The following LHX6 variants were observed in gnomAD, a reference collection of about 807,000 sequenced individuals.
The protein encoded by LHX6 is LIM homeobox 6.
Under a neutral mutation model 47.1 loss-of-function variants are expected in LHX6, and 15 were observed. That is an observed-to-expected ratio of 0.32 (90% CI 0.21 to 0.49). The LOEUF is 0.49. Among genes scored for constraint, LHX6 ranks in the 20% least tolerant of loss-of-function variants. The pLI, the probability that LHX6 is intolerant of heterozygous loss-of-function variation, is 0.99. For synonymous variants in LHX6, 242 were observed against 233.5 expected, an observed-to-expected ratio of 1.04 and a Z score of -0.33; for missense variants, 404 against 539.6, an observed-to-expected ratio of 0.75 and a Z score of 2.49.
Position 122,204,704 on chromosome 9 carries a change from G to C in LHX6, c.*56C>G. The C allele has an allele frequency of 1.3e-6, 2 of 1,592,930 alleles. No homozygotes were observed. Among genetic ancestry groups the C allele is most frequent in the East Asian group, 2.3e-5 (1 of 43,300 alleles). The stretch of plus-strand genomic sequence containing the variant: ...GCCGCAGCTTGGACACTGGATCTCA[G>C]CGGCTGAGGGGCAGCTGTGGGGCGC... On this transcript the variant is annotated 3_prime_UTR_variant, in exon 10 of 10. Transcript: ENST00000394319.
chr9:122,215,878 G>A (rs1830576791), intron 5 of LHX6, among the ~76,000 whole-genome samples: 1 of 152,172 alleles, frequency 6.6e-6, no homozygotes, highest in Admixed American at 6.5e-5. Flanking sequence ...AGAAAAACTG[G>A]GGGTTGGGCA....
chr9:122,224,994 C>T (rs1043951110), intron 4 of LHX6, among the ~76,000 whole-genome samples: 2 of 152,190 alleles, frequency 1.3e-5, no homozygotes, highest in African/African-American at 2.4e-5. Context: ...AGGAAGAGTC[C>T]GTCTCTTTAA....
At chr9:122,224,944 C>G (rs191362050) in intron 4 of LHX6, among the ~76,000 whole-genome samples, 1 of 152,228 alleles carries the variant, frequency 6.6e-6, no homozygotes, top group East Asian at 1.9e-4. Context: ...GCTGCCCCCA[C>G]CCCACCCCAG....
chr9:122,219,175 G>A (rs1564441318), intron 4 of LHX6, among the ~76,000 whole-genome samples: 2 of 152,240 alleles, frequency 1.3e-5, no homozygotes, highest in East Asian at 1.9e-4. Context: ...AAAAAACAGC[G>A]TTGGGTTGGA....
Position 122,213,988 on chromosome 9 carries a change from G to A in LHX6, c.865C>T (p.Arg289Trp). ...QKLADMTGLS[R>W]RVIQVWFQNC... ...CCCCGTCCCACCTGGATGACTCTCC[G>A]GCTGAGGCCCGTCATGTCCGCCAGC... Residue 289 changes from arginine to tryptophan, a missense_variant, in exon 7 of 10, where the codon CGG becomes TGG. Physicochemically the swap from Arg to Trp is moderately radical, Grantham distance 101. Transcript: ENST00000394319. The surrounding 1 kb of genome is among the most constrained non-coding windows in gnomAD (Gnocchi z 5.5). 1 of 1,185,872 alleles carries A rather than the reference G, an allele frequency of 8.4e-7. No individual in the cohort carries two copies. 73.5% of individuals were successfully genotyped at this position (1,185,872 alleles called of 1,614,324 possible).
At position 122,204,440 on chromosome 9, in the gene LHX6, C is replaced by T. The variant is rs952077650; in HGVS notation, c.*320G>A. On this transcript the variant is annotated 3_prime_UTR_variant, in exon 10 of 10. Transcript: ENST00000394319. ...CCGTTGGCATCGCACAATTCAATTCCGCCTTTTGTTATTGTAATCAGCTGA... is the reference window on the plus strand; with the variant it reads ...CCGTTGGCATCGCACAATTCAATTCTGCCTTTTGTTATTGTAATCAGCTGA... The T allele has an allele frequency of 1.8e-5, 7 of 390,522 alleles. No homozygotes were observed. The highest frequency in any genetic ancestry group is 4.5e-5 in the Admixed American group (1 of 22,372). The allele number at this position is 390,522 out of a possible 1,614,324, so 24.2% of individuals were successfully genotyped here.
chr9:122,216,905 C>G (rs182627869), intron 5 of LHX6, among the ~76,000 whole-genome samples, 163 bp downstream of exon 5: 2 of 152,068 alleles, frequency 1.3e-5, no homozygotes, highest in South Asian at 2.1e-4. Flanking sequence ...AAGATCGACC[C>G]GGAAGTGCAA....
Position 122,226,891 on chromosome 9 carries a change from C to A in LHX6, c.296G>T (p.Cys99Phe). The A allele has an allele frequency of 6.4e-7, 1 of 1,567,010 alleles. No homozygotes were observed. Among genetic ancestry groups the A allele is most frequent in the East Asian group, 2.3e-5 (1 of 42,918 alleles). ...SSVPSAGKNI[C>F]SSCGLEILDR... The stretch of plus-strand genomic sequence containing the variant: ...CAGGATCTCGAGGCCGCAGCTGGAG[C>A]AGATGTTCTTGCCTGCAGACGGCAC... Residue 99 changes from cysteine to phenylalanine, a missense_variant, in exon 3 of 10, where the codon TGC (cysteine) becomes TTC (phenylalanine). By Grantham distance (205) the Cys-to-Phe change is radical. Transcript: ENST00000394319. This position sits in a 1 kb window ranked among gnomAD's most constrained non-coding sequence, Gnocchi z 6.5.
rs754129521 is a variant in LHX6 at position 122,214,115 on chromosome 9, G to C, written c.784-46C>G. The C allele has an allele frequency of 6.5e-7, 1 of 1,541,784 alleles. No homozygotes were observed. Among genetic ancestry groups the C allele is most frequent in the Admixed American group, 1.7e-5 (1 of 57,160 alleles). The stretch of plus-strand genomic sequence containing the variant: ...TGAGGCGCTCGCACGCAGAGACTCC[G>C]AGACCCCGGCCCAATCAGCGGCGCC... On this transcript the variant is annotated intron_variant, in intron 6 of 9. Coordinates refer to ENST00000394319, the MANE Select transcript of LHX6 (RefSeq NM_014368.5). This position sits in a 1 kb window ranked among gnomAD's most constrained non-coding sequence, Gnocchi z 4.6.
chr9:122,228,840 G>T lies in LHX6; in HGVS notation c.-100C>A. ...AGCAGAGGCTGCTGCAGGAGCAGGA[G>T]GAGAGCCGAGGCGCCGGCCCCGCCG... On this transcript the variant is annotated 5_prime_UTR_variant, in exon 1 of 10. Transcript: ENST00000394319. 1.2e-6 allele frequency: 1 copy of T among 800,282 alleles called. No homozygotes were observed. Among genetic ancestry groups the T allele is most frequent in the Non-Finnish European group, 1.6e-6 (1 of 608,814 alleles). The allele number at this position is 800,282 out of a possible 1,614,324, so 49.6% of individuals were successfully genotyped here.
Position 122,214,100 on chromosome 9 carries a change from G to T in LHX6, c.784-31C>A. Reference sequence around the variant, plus strand: ...GGGCGGGGAGGGCGGTGAGGCGCTCGCACGCAGAGACTCCGAGACCCCGGC... The same window carrying T: ...GGGCGGGGAGGGCGGTGAGGCGCTCTCACGCAGAGACTCCGAGACCCCGGC... On this transcript the variant is annotated intron_variant, in intron 6 of 9. Coordinates refer to ENST00000394319, the MANE Select transcript of LHX6 (RefSeq NM_014368.5). The surrounding 1 kb of genome is among the most constrained non-coding windows in gnomAD (Gnocchi z 4.6). 1 of 1,572,832 alleles carries T rather than the reference G, an allele frequency of 6.4e-7. No homozygotes were observed. The highest frequency in any genetic ancestry group is 8.6e-7 in the Non-Finnish European group (1 of 1,160,224).
chr9:122,227,958 C>CCCCCCCCCCCCCCCCCCCT, intron 1 of LHX6: 1 of 150,442 alleles, frequency 6.6e-6, no homozygotes. Flanking sequence ...CTCCACCCGC[C>CCCCCCCCCCCCCCCCCCCT]CCCCCACCCC....
chr9:122,220,466 C>T (rs1830801031), intron 4 of LHX6, among the ~76,000 whole-genome samples: 1 of 152,232 alleles, frequency 6.6e-6, no homozygotes, highest in African/African-American at 2.4e-5. Context: ...TCGATCCAGG[C>T]TCCGACAGAA....
At chr9:122,228,156 G>C in intron 1 of LHX6, 1 of 620,438 alleles carries the variant, frequency 1.6e-6, no homozygotes, top group Non-Finnish European at 2.5e-6. Context: ...CAGCTATATT[G>C]ACACGGATTC....
intron 4 of LHX6, among the ~76,000 whole-genome samples, chr9:122,218,991 C>A (rs888935978): frequency 4.6e-5 from 7 of 152,238 alleles, no homozygotes; most frequent in African/African-American, 1.7e-4. Flanking sequence ...GAGTTGGGGT[C>A]CCGGGGTTGG....
chr9:122,208,834 T>TG (rs1830289456), intron 9 of LHX6, among the ~76,000 whole-genome samples: 3 of 117,302 alleles, frequency 2.6e-5, no homozygotes, highest in African/African-American at 6.5e-5. Context: ...AAACTCTGTC[T>TG]AAAAAAAAAA....
chr9:122,208,574 G>A (rs1160033881), intron 9 of LHX6, among the ~76,000 whole-genome samples: 1 of 152,206 alleles, frequency 6.6e-6, no homozygotes, highest in Non-Finnish European at 1.5e-5. Flanking sequence ...GCTCACGCCT[G>A]TAATCCCAGC....
At chr9:122,222,857 C>T (rs1830928211) in intron 4 of LHX6, among the ~76,000 whole-genome samples, 1 of 152,218 alleles carries the variant, frequency 6.6e-6, no homozygotes, top group Non-Finnish European at 1.5e-5. Context: ...TTGGCCACTC[C>T]CTTCCTCCCC....
chr9:122,212,131 A>C (rs1388130532), intron 8 of LHX6, among the ~76,000 whole-genome samples: 2 of 152,192 alleles, frequency 1.3e-5, no homozygotes, highest in African/African-American at 4.8e-5. Context: ...GAGGATTTTC[A>C]GTTACCTCGT....
Sources: allele counts gnomAD v4.1 joint callset (sites outside exome capture counted in the v4.1 genomes callset), GRCh38; gene constraint gnomAD v4.1.1; non-coding constraint Gnocchi (gnomAD v3.1); transcripts MANE v1.5; gene names NCBI Gene and HGNC (gene_info 2026-07-23, HGNC 2026-07-21).